Variants in ARHGAP42 observed in about 807,000 individuals in gnomAD.
ARHGAP42 encodes Rho GTPase activating protein 42.
ARHGAP42 carries 63 observed loss-of-function variants against 125.0 expected under a neutral mutation model. That is an observed-to-expected ratio of 0.50 (90% CI 0.41 to 0.62). ARHGAP42 has a LOEUF of 0.62. Among genes scored for constraint, ARHGAP42 ranks in the 20% least tolerant of loss-of-function variants. ARHGAP42 has a pLI of 0.00. For synonymous variants in ARHGAP42, 339 were observed against 351.0 expected (o/e 0.97, Z 0.38); for missense variants, 766 against 1,024.2 (o/e 0.75, Z 3.44).
intron 3 of ARHGAP42, among the ~76,000 whole-genome samples, chr11:100,802,972 CATT>C (rs1196359358): frequency 6.6e-6 from 1 of 152,180 alleles, no homozygotes; most frequent in Non-Finnish European, 1.5e-5. Context: ...TGAGTTCTAA[CATT>C]ATAACAGAAA....
chr11:100,913,413 C>T, intron 4 of ARHGAP42, 39 bp from the exon 5 acceptor site: 1 of 1,021,196 alleles, frequency 9.8e-7, no homozygotes, highest in Non-Finnish European at 1.3e-6. Context: ...TCTGGGTGCT[C>T]TGAGTTAAAT....
chr11:100,801,008 T>A (rs1183652997), intron 3 of ARHGAP42, among the ~76,000 whole-genome samples: 4 of 152,164 alleles, frequency 2.6e-5, no homozygotes, highest in Non-Finnish European at 4.4e-5. Flanking sequence ...TTAAAAAATT[T>A]GGAATATTTG....
chr11:100,730,231 T>TG (rs1245965418), intron 1 of ARHGAP42, among the ~76,000 whole-genome samples: 1 of 152,218 alleles, frequency 6.6e-6, no homozygotes, highest in Non-Finnish European at 1.5e-5. Flanking sequence ...GATTTTTTTT[T>TG]TTTAATCAAG....
At chr11:100,752,805 G>A (rs1264945872) in intron 1 of ARHGAP42, among the ~76,000 whole-genome samples, 1 of 152,218 alleles carries the variant, frequency 6.6e-6, no homozygotes, top group South Asian at 2.1e-4. Flanking sequence ...CTTCTGGTTA[G>A]CCAGGGTGGT....
At chr11:100,961,126 T>C (rs1299915698) in intron 14 of ARHGAP42, 137 bp downstream of exon 14, 1 of 544,312 alleles carries the variant, frequency 1.8e-6, no homozygotes, top group African/African-American at 2.0e-5. Flanking sequence ...CAGTTTTTAA[T>C]GTTCATTTAT....
At chr11:100,806,796 CAT>C (rs1565222343) in intron 3 of ARHGAP42, among the ~76,000 whole-genome samples, 1 of 151,770 alleles carries the variant, frequency 6.6e-6, no homozygotes, top group Non-Finnish European at 1.5e-5. Context: ...TGCTAATAAT[CAT>C]AAAATTCATT....
At chr11:100,892,016 A>C (rs1001092349) in intron 4 of ARHGAP42, among the ~76,000 whole-genome samples, 25 of 152,162 alleles carry the variant, frequency 1.6e-4, no homozygotes, top group African/African-American at 5.8e-4. Context: ...AACTTCAAGC[A>C]CATTGGTATT....
chr11:100,761,975 CA>C (rs1250804665), intron 1 of ARHGAP42, among the ~76,000 whole-genome samples: 2 of 152,194 alleles, frequency 1.3e-5, no homozygotes, highest in African/African-American at 4.8e-5. Context: ...AAACACATGG[CA>C]GTAAGTGGTG....
rs141775917 is a variant in ARHGAP42 at position 100,988,985 on chromosome 11, A to G, written c.*184A>G. On this transcript the variant is annotated 3_prime_UTR_variant, in exon 24 of 24. Coordinates refer to ENST00000298815, the MANE Select transcript of ARHGAP42 (RefSeq NM_152432.4). ...GAAAAAAAGATTTAAATTGTTGGCC[A>G]TTCTTTTTTGGTTGGTTTCTTATTT... The G allele has an allele frequency of 4.3e-4, 213 of 493,636 alleles. 2 individuals are homozygous for G. Among genetic ancestry groups the G allele is most frequent in the African/African-American group, 3.3e-3 (172 of 52,892 alleles). 30.6% of individuals were successfully genotyped at this position (493,636 alleles called of 1,614,324 possible). A position where few individuals can be genotyped will look rare whatever the true frequency, so the allele number is the denominator to read the frequency against.
chr11:100,844,265 G>C (rs1842205191), intron 3 of ARHGAP42, among the ~76,000 whole-genome samples: 1 of 151,254 alleles, frequency 6.6e-6, no homozygotes. Flanking sequence ...AATGAAACTG[G>C]ATCCTCATCT....
At chr11:100,744,273 T>A (rs773074695) in intron 1 of ARHGAP42, among the ~76,000 whole-genome samples, 15 of 152,216 alleles carry the variant, frequency 9.9e-5, no homozygotes, top group Non-Finnish European at 2.2e-4. Context: ...CCAGTGAAAA[T>A]TCTTTATTTA....
intron 4 of ARHGAP42, among the ~76,000 whole-genome samples, chr11:100,875,964 G>T (rs1307683735): frequency 6.6e-6 from 1 of 152,100 alleles, no homozygotes; most frequent in Non-Finnish European, 1.5e-5. Flanking sequence ...ACAGTTGGGT[G>T]GTTGTGTAGG....
chr11:100,854,416 T>G (rs940697550), intron 3 of ARHGAP42, among the ~76,000 whole-genome samples: 1 of 152,180 alleles, frequency 6.6e-6, no homozygotes, highest in African/African-American at 2.4e-5. Context: ...ATTCAAATGC[T>G]GAAGCAGCAA....
chr11:100,770,698 C>T (rs1318197314), intron 2 of ARHGAP42, among the ~76,000 whole-genome samples: 1 of 152,142 alleles, frequency 6.6e-6, no homozygotes, highest in Non-Finnish European at 1.5e-5. Flanking sequence ...CTGTCTCAGC[C>T]TCCTGAGTAG....
At chr11:100,732,167 G>C (rs1861970851) in intron 1 of ARHGAP42, among the ~76,000 whole-genome samples, 1 of 152,004 alleles carries the variant, frequency 6.6e-6, no homozygotes, top group Admixed American at 6.6e-5. Context: ...ATGCTGGTCA[G>C]GCTGGTCTCG....
At chr11:100,833,080 G>A (rs966769995) in intron 3 of ARHGAP42, among the ~76,000 whole-genome samples, 13 of 152,164 alleles carry the variant, frequency 8.5e-5, no homozygotes, top group East Asian at 3.8e-4. Context: ...CAAGTTATCT[G>A]AATATCTGCC....
chr11:100,835,010 C>G (rs996450666), intron 3 of ARHGAP42, among the ~76,000 whole-genome samples: 1 of 151,968 alleles, frequency 6.6e-6, no homozygotes, highest in African/African-American at 2.4e-5. Flanking sequence ...AAGTAAAACA[C>G]TTCATCTGAG....
At chr11:100,735,034 T>C (rs1862038078) in intron 1 of ARHGAP42, among the ~76,000 whole-genome samples, 1 of 150,946 alleles carries the variant, frequency 6.6e-6, no homozygotes, top group African/African-American at 2.5e-5. Context: ...AACAAAACCC[T>C]GTGTTTGGGG....
At chr11:100,978,216 T>G (rs7924400) in intron 21 of ARHGAP42, among the ~76,000 whole-genome samples, 16,172 of 152,136 alleles carry the variant, frequency 0.11, 1,047 homozygotes, top group Non-Finnish European at 0.13. Context: ...TTCAAATGAT[T>G]AAAGTGTGTG....
Sources: gnomAD v4.1 joint callset for allele counts (sites outside exome capture counted in the v4.1 genomes callset) on GRCh38, gnomAD v4.1.1 for gene constraint, MANE v1.5 for transcripts, NCBI Gene and HGNC (gene_info 2026-07-23, HGNC 2026-07-21) for gene names.